The following DCC variants were observed in gnomAD, a reference collection of about 807,000 sequenced individuals.
DCC encodes netrin receptor DCC.
In DCC, 58 loss-of-function variants were observed where a neutral mutation model predicts 172.5. That is an observed-to-expected ratio of 0.34 (90% CI 0.27 to 0.42). DCC has a LOEUF of 0.42. DCC is among the 10% of genes least tolerant of loss of function. The pLI is 1.00. For missense variants in DCC, 1,740 were observed against 1,791.0 expected (o/e 0.97, Z 0.51); for synonymous variants, 709 against 644.5 (o/e 1.10, Z -1.52).
chr18:52,954,060 A>G (rs972253471), intron 5 of DCC, among the ~76,000 whole-genome samples: 4 of 152,196 alleles, frequency 2.6e-5, no homozygotes, highest in African/African-American at 9.6e-5. Context: ...AATTCTTACT[A>G]CAGCTTTCAC....
intron 25 of DCC, among the ~76,000 whole-genome samples, chr18:53,484,898 C>A (rs2045883474): frequency 6.6e-6 from 1 of 151,794 alleles, no homozygotes; most frequent in Non-Finnish European, 1.5e-5. Context: ...TCAACAATCC[C>A]ATTTATATGT....
At chr18:52,962,751 T>G (rs1469259863) in intron 5 of DCC, among the ~76,000 whole-genome samples, 2 of 151,874 alleles carry the variant, frequency 1.3e-5, no homozygotes, top group African/African-American at 4.8e-5. Context: ...GTGGCACATA[T>G]ACACCATGGA....
At chr18:52,358,602 G>C (rs1984482467) in intron 1 of DCC, among the ~76,000 whole-genome samples, 1 of 152,142 alleles carries the variant, frequency 6.6e-6, no homozygotes, top group South Asian at 2.1e-4. Context: ...TATTAGCTTG[G>C]TTATATAAAT....
chr18:53,202,503 A>G (rs2055554518), intron 9 of DCC, among the ~76,000 whole-genome samples: 2 of 152,030 alleles, frequency 1.3e-5, no homozygotes, highest in Non-Finnish European at 1.5e-5. Context: ...CTGGAATAGG[A>G]AAAAAAATCA....
At chr18:52,884,671 T>C (rs891961173) in intron 2 of DCC, among the ~76,000 whole-genome samples, 1 of 152,240 alleles carries the variant, frequency 6.6e-6, no homozygotes, top group African/African-American at 2.4e-5. Context: ...AGGTCACATA[T>C]CTCTGTTTCT....
intron 7 of DCC, among the ~76,000 whole-genome samples, chr18:53,116,187 C>T (rs532432091): frequency 1.3e-4 from 20 of 151,680 alleles, no homozygotes; most frequent in Non-Finnish European, 2.8e-4. Flanking sequence ...TTGGACAAAA[C>T]GCACAAACAA....
chr18:52,447,445 A>G (rs1300248109), intron 1 of DCC, among the ~76,000 whole-genome samples: 1 of 152,200 alleles, frequency 6.6e-6, no homozygotes, highest in Non-Finnish European at 1.5e-5. Context: ...ATACAGGTTG[A>G]GAAACATGGG....
chr18:53,318,766 T>A (rs77916462), intron 13 of DCC, among the ~76,000 whole-genome samples: 2 of 149,596 alleles, frequency 1.3e-5, no homozygotes, highest in Non-Finnish European at 3.0e-5. Flanking sequence ...TTTTTTTTTT[T>A]TTTTTGTGAT....
chr18:53,499,129 T>C (rs2046063926), intron 26 of DCC, among the ~76,000 whole-genome samples, 169 bp from the exon 27 acceptor site: 1 of 152,232 alleles, frequency 6.6e-6, no homozygotes, highest in Non-Finnish European at 1.5e-5. Flanking sequence ...AGTGCTGTCA[T>C]GTTCCGTAAG....
At chr18:52,979,811 T>G (rs2041177254) in intron 5 of DCC, among the ~76,000 whole-genome samples, 1 of 152,168 alleles carries the variant, frequency 6.6e-6, no homozygotes, top group Non-Finnish European at 1.5e-5. Flanking sequence ...TTAATAATAC[T>G]TTGAACTAAA....
At chr18:52,535,126 T>C (rs2032253604) in intron 1 of DCC, among the ~76,000 whole-genome samples, 1 of 152,194 alleles carries the variant, frequency 6.6e-6, no homozygotes, top group Admixed American at 6.6e-5. Context: ...AGCTCCATCA[T>C]GGAAGAGAAC....
At chr18:52,510,686 T>C (rs1368574688) in intron 1 of DCC, among the ~76,000 whole-genome samples, 3 of 152,182 alleles carry the variant, frequency 2.0e-5, no homozygotes, top group East Asian at 1.9e-4. Context: ...AACAACAATA[T>C]ATTTTTGTGA....
chr18:53,319,543 C>A (rs1207438678), intron 13 of DCC, among the ~76,000 whole-genome samples: 1 of 152,194 alleles, frequency 6.6e-6, no homozygotes, highest in Non-Finnish European at 1.5e-5. Context: ...AAGTTGTTAG[C>A]AGACTTTGCT....
rs371074021 is a variant in DCC at position 53,178,831 on chromosome 18, A to G, written c.1419-131A>G. On this transcript the variant is annotated intron_variant, in intron 8 of 28. Coordinates refer to ENST00000442544, the MANE Select transcript of DCC (RefSeq NM_005215.4). Reference sequence around the variant, plus strand: ...TATAGAAAGTCTGAGGTCTTGAATTATGTCCCAGAGTCAACATTAGATGAG... The same window carrying G: ...TATAGAAAGTCTGAGGTCTTGAATTGTGTCCCAGAGTCAACATTAGATGAG... 4 of 846,930 alleles carry G rather than the reference A, an allele frequency of 4.7e-6. No individual in the cohort carries two copies. The Admixed American group carries it at 6.0e-5, about 13-fold the overall frequency. The allele number at this position is 846,930 out of a possible 1,614,324, so 52.5% of individuals were successfully genotyped here. A position where few individuals can be genotyped will look rare whatever the true frequency, so the allele number is the denominator to read the frequency against.
chr18:52,451,719 A>G (rs1374417312), intron 1 of DCC, among the ~76,000 whole-genome samples: 1 of 151,964 alleles, frequency 6.6e-6, no homozygotes, highest in Admixed American at 6.6e-5. Flanking sequence ...CCTAATGACT[A>G]CAAATTGCAA....
chr18:52,359,303 A>G (rs1257346390), intron 1 of DCC, among the ~76,000 whole-genome samples: 1 of 152,206 alleles, frequency 6.6e-6, no homozygotes, highest in Non-Finnish European at 1.5e-5. Flanking sequence ...ATGAAATTGT[A>G]TGGTTTGAAG....
At chr18:52,506,376 A>G (rs1280753541) in intron 1 of DCC, among the ~76,000 whole-genome samples, 3 of 152,126 alleles carry the variant, frequency 2.0e-5, no homozygotes, top group Admixed American at 6.5e-5. Flanking sequence ...GTGAAAACCC[A>G]TATAAACACA....
chr18:52,563,187 G>A (rs1423175689), intron 1 of DCC, among the ~76,000 whole-genome samples: 2 of 152,060 alleles, frequency 1.3e-5, no homozygotes, highest in African/African-American at 2.4e-5. Flanking sequence ...CTAAAGCTGG[G>A]TCTATCTGGA....
chr18:52,908,761 T>C (rs2039926626), intron 3 of DCC, among the ~76,000 whole-genome samples: 1 of 152,226 alleles, frequency 6.6e-6, no homozygotes, highest in South Asian at 2.1e-4. Flanking sequence ...TGTTGTACTT[T>C]TGAGATGTGT....
Sources: gnomAD v4.1 joint callset for allele counts (sites outside exome capture counted in the v4.1 genomes callset) on GRCh38, gnomAD v4.1.1 for gene constraint, MANE v1.5 for transcripts, NCBI Gene and HGNC (gene_info 2026-07-23, HGNC 2026-07-21) for gene names.